The following TRAPPC9 variants were observed in gnomAD, a reference collection of about 807,000 sequenced individuals.
The protein encoded by TRAPPC9 is trafficking protein particle complex subunit 9.
TRAPPC9 carries 83 observed loss-of-function variants against 124.0 expected under a neutral mutation model. The observed-to-expected ratio is 0.67, with a 90% confidence interval of 0.56 to 0.80. TRAPPC9 has a LOEUF of 0.80. Ranked by LOEUF, TRAPPC9 falls within the 30% of genes least tolerant of loss-of-function variation. The probability of loss-of-function intolerance (pLI) is 0.00; values close to 1 mark genes in which losing one functional copy is unlikely to be tolerated. For synonymous variants in TRAPPC9, 638 were observed against 617.5 expected (o/e 1.03, Z -0.49); for missense variants, 1,302 against 1,508.3 (o/e 0.86, Z 2.27).
intron 8 of TRAPPC9, among the ~76,000 whole-genome samples, chr8:140,367,699 A>C (rs1588227523): frequency 1.3e-5 from 2 of 152,344 alleles, no homozygotes; most frequent in Middle Eastern, 6.8e-3. Flanking sequence ...GTACACCACC[A>C]AGAGTGAACC....
intron 17 of TRAPPC9, among the ~76,000 whole-genome samples, chr8:140,057,043 C>T (rs1174745274): frequency 6.6e-6 from 1 of 151,994 alleles, no homozygotes; most frequent in African/African-American, 2.4e-5. Flanking sequence ...TAAATAGAAA[C>T]ATTTCTCCAA....
At chr8:139,839,590 C>T (rs117841881) in intron 21 of TRAPPC9, among the ~76,000 whole-genome samples, 3,953 of 152,310 alleles carry the variant, frequency 0.026, 68 homozygotes, top group Non-Finnish European at 0.042. Context: ...ACTGATCCCT[C>T]CTCATTAGTC....
chr8:139,971,774 T>C (rs1349759657), intron 19 of TRAPPC9, among the ~76,000 whole-genome samples: 35 of 48,178 alleles, frequency 7.3e-4, no homozygotes, highest in African/African-American at 2.1e-3. Flanking sequence ...CATATATATA[T>C]ACACACACAT....
chr8:140,204,508 G>T (rs2062874644), intron 17 of TRAPPC9, among the ~76,000 whole-genome samples: 1 of 151,696 alleles, frequency 6.6e-6, no homozygotes, highest in African/African-American at 2.4e-5. Context: ...AGCATTAGGA[G>T]ATATACCTAA....
intron 9 of TRAPPC9, among the ~76,000 whole-genome samples, chr8:140,321,010 A>G (rs1327996567): frequency 6.6e-6 from 1 of 152,232 alleles, no homozygotes; most frequent in Non-Finnish European, 1.5e-5. Flanking sequence ...AAAGAGCCAG[A>G]TAAAGTGTCA....
chr8:139,786,508 A>T (rs1037322337), intron 21 of TRAPPC9, among the ~76,000 whole-genome samples: 2 of 144,066 alleles, frequency 1.4e-5, no homozygotes, highest in African/African-American at 5.1e-5. Context: ...GAAGCTTCTT[A>T]AAAAAAAAAA....
intron 19 of TRAPPC9, among the ~76,000 whole-genome samples, chr8:139,971,804 C>CACACACAT (rs1836111897): frequency 1.4e-3 from 3 of 2,200 alleles, no homozygotes; most frequent in East Asian, 0.1. Context: ...TATATATATA[C>CACACACAT]ATATATATAT....
At chr8:140,073,537 G>A (rs910298470) in intron 17 of TRAPPC9, among the ~76,000 whole-genome samples, 2 of 152,238 alleles carry the variant, frequency 1.3e-5, no homozygotes, top group African/African-American at 2.4e-5. Flanking sequence ...TCTAGTTAGC[G>A]TATGGGGATT....
chr8:139,743,947 T>C (rs1313673183), intron 21 of TRAPPC9, among the ~76,000 whole-genome samples: 1 of 152,226 alleles, frequency 6.6e-6, no homozygotes, highest in Non-Finnish European at 1.5e-5. Flanking sequence ...GAACTAAACA[T>C]GAATCCACCT....
At position 140,276,524 on chromosome 8, in the gene TRAPPC9, C is replaced by T. The variant is rs2065128444; in HGVS notation, c.2115-703G>A. On this transcript the variant is annotated intron_variant, in intron 14 of 22. Coordinates refer to ENST00000438773, the MANE Select transcript of TRAPPC9 (RefSeq NM_001160372.4). ...AGCCAGGGCCTCCCCGAGGCTCCTGCACTCAAGCTCTCAGCCTGTGAGCCC... is the reference window on the plus strand; with the variant it reads ...AGCCAGGGCCTCCCCGAGGCTCCTGTACTCAAGCTCTCAGCCTGTGAGCCC... 2.6e-5 allele frequency among the ~76,000 whole-genome samples: 4 copies of T among 152,184 alleles called. No homozygotes were observed. The South Asian group carries it at 8.3e-4, about 32-fold the overall frequency.
chr8:140,301,902 C>T (rs1340741339), intron 10 of TRAPPC9, among the ~76,000 whole-genome samples: 1 of 152,232 alleles, frequency 6.6e-6, no homozygotes, highest in Non-Finnish European at 1.5e-5. Context: ...GAGCACTCAG[C>T]AACCTCCCAG....
chr8:139,916,300 G>A (rs974181501), intron 19 of TRAPPC9: 4 of 152,178 alleles, frequency 2.6e-5, no homozygotes, highest in African/African-American at 9.7e-5. Context: ...GATTAGATAA[G>A]ATAGATGGTG....
At chr8:139,961,609 C>T (rs1021887337) in intron 19 of TRAPPC9, among the ~76,000 whole-genome samples, 2,663 of 123,596 alleles carry the variant, frequency 0.022, 408 homozygotes, top group African/African-American at 0.064. Context: ...GGTGCAGGAC[C>T]TGGGCGTTTC....
intron 18 of TRAPPC9, among the ~76,000 whole-genome samples, chr8:139,989,320 T>TGC (rs1837475726): frequency 6.8e-6 from 1 of 148,140 alleles, no homozygotes; most frequent in South Asian, 2.2e-4. Flanking sequence ...TGTGTGTGTG[T>TGC]GCACATCCAG....
chr8:139,781,723 T>C (rs767725995), intron 21 of TRAPPC9, among the ~76,000 whole-genome samples: 1 of 152,150 alleles, frequency 6.6e-6, no homozygotes, highest in Non-Finnish European at 1.5e-5. Flanking sequence ...TGTTTGTGTG[T>C]GTGCCTGTGT....
rs535026769 is a variant in TRAPPC9 at position 140,309,464 on chromosome 8, T to C, written c.1622+1784A>G. On this transcript the variant is annotated intron_variant, in intron 10 of 22. Transcript: ENST00000438773. Reference sequence around the variant, plus strand: ...GAGGAGAACAAGCACGCTTCTTCCTTGGTTCCAATGACCTGCAAGGACCGA... The same window carrying C: ...GAGGAGAACAAGCACGCTTCTTCCTCGGTTCCAATGACCTGCAAGGACCGA... Among the ~76,000 whole-genome samples, 4 of 152,358 alleles carry C rather than the reference T, an allele frequency of 2.6e-5. No individual in the cohort carries two copies. The East Asian group carries it at 7.7e-4, about 29-fold the overall frequency.
rs1588229141 is a variant in TRAPPC9, at chr8:140,368,758, A to G, written c.1351+2206T>C. On this transcript the variant is annotated intron_variant, in intron 8 of 22. Coordinates refer to ENST00000438773, the MANE Select transcript of TRAPPC9 (RefSeq NM_001160372.4). ...CTGCCCGCCTGACTCTCCTCCTGCT[A>G]TATTACTCACTCAGTCTGCGTTTTC... Among the ~76,000 whole-genome samples the G allele has an allele frequency of 2.0e-5, 3 of 152,108 alleles. No individual in the cohort carries two copies. The East Asian group carries it at 5.8e-4, about 29-fold the overall frequency.
chr8:139,936,462 G>A (rs146986633), intron 19 of TRAPPC9, among the ~76,000 whole-genome samples: 2 of 152,306 alleles, frequency 1.3e-5, no homozygotes, highest in African/African-American at 2.4e-5. Context: ...TGTGGCAGAC[G>A]CTGTACCAGA....
intron 21 of TRAPPC9, among the ~76,000 whole-genome samples, chr8:139,745,274 C>A (rs1252238377): frequency 6.6e-6 from 1 of 152,174 alleles, no homozygotes; most frequent in African/African-American, 2.4e-5. Context: ...GACTCAGGGG[C>A]CTGGGTGAGC....
Sources: gnomAD v4.1 joint callset for allele counts (sites outside exome capture counted in the v4.1 genomes callset) on GRCh38, gnomAD v4.1.1 for gene constraint, MANE v1.5 for transcripts, NCBI Gene and HGNC (gene_info 2026-07-23, HGNC 2026-07-21) for gene names.